The following XRCC6 variants were observed in gnomAD, a reference collection of about 807,000 sequenced individuals.
The protein encoded by XRCC6 is X-ray repair cross complementing 6.
Under a neutral mutation model 65.7 loss-of-function variants are expected in XRCC6, and 5 were observed. The ratio of observed to expected loss-of-function variants is 0.08; its 90% CI spans 0.04 to 0.16. The LOEUF is 0.16. Ranked by LOEUF, XRCC6 falls within the 10% of genes least tolerant of loss-of-function variation. The pLI, the probability that XRCC6 is intolerant of heterozygous loss-of-function variation, is 1.00. For synonymous variants in XRCC6, 270 were observed against 270.6 expected (o/e 1.00, Z 0.02); for missense variants, 447 against 738.1 (o/e 0.61, Z 4.57).
chr22:41,647,569 G>C (rs1247149126), intron 7 of XRCC6, among the ~76,000 whole-genome samples: 1 of 124,684 alleles, frequency 8.0e-6, no homozygotes. Context: ...CAACAAAAGC[G>C]TAACTCCGTC....
Position 41,650,880 on chromosome 22 carries a change from C to G in XRCC6, c.1118C>G (p.Ser373Trp). 6.2e-7 allele frequency: 1 copy of G among 1,614,086 alleles called. No individual in the cohort carries two copies. The highest frequency in any genetic ancestry group is 8.5e-7 in the Non-Finnish European group (1 of 1,179,992). Residue 373 changes from serine (S) to tryptophan (W), a missense_variant, in exon 8 of 13, where the codon TCG (serine) becomes TGG (tryptophan). Physicochemically the swap from Ser to Trp is radical, Grantham distance 177. Around this residue, in one of 4 missense-constraint regions of XRCC6, gnomAD observed 201 missense variants for 374.1 expected, o/e 0.54. Coordinates refer to ENST00000360079, the MANE Select transcript of XRCC6 (RefSeq NM_001469.5). ...TCCCTGTTCGTGTACCCAGAGGAGT[C>G]GCTGGTGATTGGTAAGTAGCGTGGA... Reference protein sequence around the residue: ...RPSLFVYPEESLVIGSSTLFS... With the variant: ...RPSLFVYPEEWLVIGSSTLFS...
intron 5 of XRCC6, 118 bp from the exon 6 acceptor site, chr22:41,637,490 T>C: frequency 1.3e-5 from 12 of 916,838 alleles, no homozygotes; most frequent in Non-Finnish European, 1.9e-5. Context: ...GTCCTGAAAA[T>C]GTTAATAGTC....
chr22:41,638,776 C>CAAAAAAAAAA (rs56677816), intron 6 of XRCC6, among the ~76,000 whole-genome samples: 2 of 65,696 alleles, frequency 3.0e-5, no homozygotes, highest in African/African-American at 5.8e-5. Context: ...GACTCCGCCT[C>CAAAAAAAAAA]AAAAAAAAAA....
At chr22:41,658,446 C>G in intron 11 of XRCC6, 94 bp downstream of exon 11, 1 of 1,168,282 alleles carries the variant, frequency 8.6e-7, no homozygotes, top group Non-Finnish European at 1.3e-6. Context: ...CCAGTCCTCT[C>G]TAAACACTTA....
intron 3 of XRCC6, among the ~76,000 whole-genome samples, chr22:41,635,592 C>T (rs2067800665): frequency 1.3e-5 from 2 of 152,132 alleles, no homozygotes; most frequent in South Asian, 2.1e-4. Context: ...CCAGGCTGGA[C>T]TGTAGTGGTG....
chr22:41,658,880 G>A (rs2068072339), intron 11 of XRCC6, among the ~76,000 whole-genome samples: 3 of 152,178 alleles, frequency 2.0e-5, no homozygotes, highest in African/African-American at 7.2e-5. Context: ...GCAATGAGCC[G>A]AGATTGCACC....
At chr22:41,647,109 T>C in intron 7 of XRCC6, 27 bp downstream of exon 7, 1 of 1,610,264 alleles carries the variant, frequency 6.2e-7, no homozygotes, top group South Asian at 1.1e-5. Flanking sequence ...TTTGTTGTTG[T>C]TGTTTTTGAG....
rs2068065763 is a variant in XRCC6 at position 41,658,417 on chromosome 22, A to G, written c.1522+65A>G. 3 of 1,463,390 alleles carry G rather than the reference A, an allele frequency of 2.1e-6. No homozygotes were observed. The African/African-American group carries it at 4.2e-5, about 20-fold the overall frequency. 90.7% of individuals were successfully genotyped at this position (1,463,390 alleles called of 1,614,324 possible). On this transcript the variant is annotated intron_variant, in intron 11 of 12. Coordinates refer to ENST00000360079, the MANE Select transcript of XRCC6 (RefSeq NM_001469.5). ...TTTCTTACTGGTTCCACTCTGCACC[A>G]GTAATTTGGGTGCATTTCCCAGTCC...
chr22:41,626,267 A>G (rs781406497), intron 2 of XRCC6, among the ~76,000 whole-genome samples: 37 of 145,250 alleles, frequency 2.5e-4, no homozygotes, highest in South Asian at 8.8e-4. Flanking sequence ...CTCAGCCTCC[A>G]TAGTAGCTGG....
At chr22:41,647,833 A>G (rs1321356232) in intron 7 of XRCC6, among the ~76,000 whole-genome samples, 1 of 151,912 alleles carries the variant, frequency 6.6e-6, no homozygotes, top group African/African-American at 2.4e-5. Flanking sequence ...TCAGCCTCCT[A>G]AAGTGCTGGG....
At chr22:41,632,682 G>T (rs1430362007) in intron 3 of XRCC6, among the ~76,000 whole-genome samples, 1 of 152,046 alleles carries the variant, frequency 6.6e-6, no homozygotes, top group Non-Finnish European at 1.5e-5. Context: ...AATAAGCTGG[G>T]TGTGGTGGTG....
chr22:41,628,624 A>T (rs2067705098), intron 3 of XRCC6, among the ~76,000 whole-genome samples: 1 of 152,162 alleles, frequency 6.6e-6, no homozygotes, highest in South Asian at 2.1e-4. Flanking sequence ...GTTGGGGAAG[A>T]TGGCTACAAT....
At chr22:41,656,304 T>C (rs2068044489) in intron 9 of XRCC6, among the ~76,000 whole-genome samples, 1 of 151,148 alleles carries the variant, frequency 6.6e-6, no homozygotes, top group African/African-American at 2.4e-5. Context: ...GCAGATCCCC[T>C]GAGGTCAGGA....
At position 41,636,151 on chromosome 22, in the gene XRCC6, T is replaced by C; in HGVS notation, c.234T>C (p.Ser78=). Residue 78 remains serine (S), a synonymous_variant, in exon 4 of 13, where the codon AGT becomes AGC. Coordinates refer to ENST00000360079, the MANE Select transcript of XRCC6 (RefSeq NM_001469.5). The part of the protein sequence containing the change: ...QSVYISKIIS[S]DRDLLAVVFY... ...TGTACATCAGTAAGATCATAAGCAG[T>C]GATCGAGATCTCTTGGCTGTGGTGT... The C allele has an allele frequency of 6.2e-7, 1 of 1,600,058 alleles. No homozygotes were observed. The highest frequency in any genetic ancestry group is 1.8e-5 in the Admixed American group (1 of 55,372).
At chr22:41,659,141 G>A (rs890157260) in intron 11 of XRCC6, among the ~76,000 whole-genome samples, 1 of 151,964 alleles carries the variant, frequency 6.6e-6, no homozygotes, top group African/African-American at 2.4e-5. Context: ...CGCCATGATG[G>A]CCCGGCTGGT....
chr22:41,629,790 C>T (rs1026787133), intron 3 of XRCC6, among the ~76,000 whole-genome samples: 1 of 152,108 alleles, frequency 6.6e-6, no homozygotes, highest in Non-Finnish European at 1.5e-5. Flanking sequence ...CTACCTTAGC[C>T]TCCAGAGTAG....
intron 2 of XRCC6, among the ~76,000 whole-genome samples, chr22:41,624,726 G>T (rs566224994): frequency 2.0e-5 from 3 of 150,994 alleles, no homozygotes; most frequent in East Asian, 2.0e-4. Flanking sequence ...GGCCGGGCGC[G>T]GTGGCTCACA....
At chr22:41,624,277 G>C (rs2067644209) in intron 2 of XRCC6, among the ~76,000 whole-genome samples, 1 of 152,034 alleles carries the variant, frequency 6.6e-6, no homozygotes, top group South Asian at 2.1e-4. Flanking sequence ...AGTCTCAGCT[G>C]CTTGGGAGGC....
chr22:41,656,863 C>G, intron 9 of XRCC6, 40 bp from the exon 10 acceptor site: 1 of 1,611,050 alleles, frequency 6.2e-7, no homozygotes, highest in Non-Finnish European at 8.5e-7. Context: ...GACTGCAACA[C>G]TTGAAGTCAA....
Sources: gnomAD v4.1 joint callset for allele counts (sites outside exome capture counted in the v4.1 genomes callset) on GRCh38, gnomAD v4.1.1 for gene constraint, gnomAD v4.1.1 regional missense constraint, MANE v1.5 for transcripts, NCBI Gene and HGNC (gene_info 2026-07-23, HGNC 2026-07-21) for gene names.